The following VPS41 variants were observed in gnomAD, a reference collection of about 807,000 sequenced individuals.
VPS41 encodes the protein VPS41 subunit of HOPS complex, also known as vacuolar protein sorting-associated protein 41 homolog.
VPS41 carries 85 observed loss-of-function variants against 130.9 expected under a neutral mutation model. The ratio of observed to expected loss-of-function variants is 0.65; its 90% CI spans 0.55 to 0.78. VPS41 has a LOEUF of 0.78. Ranked by LOEUF, VPS41 falls within the 30% of genes least tolerant of loss-of-function variation. The pLI, the probability that VPS41 is intolerant of heterozygous loss-of-function variation, is 0.00. For missense variants in VPS41, 874 were observed against 1,018.7 expected (o/e 0.86, Z 1.93); for synonymous variants, 335 against 332.9 (o/e 1.01, Z -0.07).
rs1784208710 is a variant in VPS41 at position 38,774,174 on chromosome 7, G to A, written c.953C>T (p.Ser318Phe). Residue 318 changes from serine to phenylalanine, a missense_variant, in exon 12 of 29, where the codon TCT becomes TTT. Physicochemically the swap from Ser to Phe is radical, Grantham distance 155 (BLOSUM62 -2). Coordinates refer to ENST00000310301, the MANE Select transcript of VPS41 (RefSeq NM_014396.4). ...QPLSETCEEI[S>F]SDALTVRGFQ... The stretch of plus-strand genomic sequence containing the variant: ...GCCTCTGACTGTCAAAGCATCAGAA[G>A]AGATCTCTTCACAAGTCTCAGAAAG... 1.2e-6 allele frequency: 2 copies of A among 1,610,032 alleles called. No individual in the cohort carries two copies. The highest frequency in any genetic ancestry group is 1.7e-6 in the Non-Finnish European group (2 of 1,177,050).
chr7:38,793,697 C>A (rs1008299590), intron 9 of VPS41, among the ~76,000 whole-genome samples: 1 of 152,168 alleles, frequency 6.6e-6, no homozygotes, highest in African/African-American at 2.4e-5. Context: ...GTTGGCAAGG[C>A]TGTACTTCCT....
chr7:38,857,906 A>C (rs1337756103), intron 4 of VPS41, among the ~76,000 whole-genome samples: 1 of 152,174 alleles, frequency 6.6e-6, no homozygotes, highest in Non-Finnish European at 1.5e-5. Context: ...GATGAGAGGA[A>C]AGAGGGATGG....
intron 2 of VPS41, among the ~76,000 whole-genome samples, chr7:38,886,027 C>T (rs910504898): frequency 3.9e-5 from 6 of 151,946 alleles, no homozygotes; most frequent in Admixed American, 2.6e-4. Flanking sequence ...AACGAAGAGT[C>T]GTCACTTCCA....
At chr7:38,864,330 C>T (rs903897965) in intron 3 of VPS41, among the ~76,000 whole-genome samples, 2 of 151,802 alleles carry the variant, frequency 1.3e-5, no homozygotes, top group Non-Finnish European at 2.9e-5. Context: ...CTTCTTTTTT[C>T]TAAATTTCTC....
At chr7:38,784,360 G>A (rs996284413) in intron 10 of VPS41, among the ~76,000 whole-genome samples, 7 of 152,136 alleles carry the variant, frequency 4.6e-5, no homozygotes, top group Non-Finnish European at 7.4e-5. Flanking sequence ...AGTCAGGGCC[G>A]GGTATGGTGG....
intron 10 of VPS41, among the ~76,000 whole-genome samples, chr7:38,778,514 A>G (rs1487746250): frequency 6.6e-6 from 1 of 152,226 alleles, no homozygotes; most frequent in African/African-American, 2.4e-5. Context: ...TTCACATTTT[A>G]GAAGACATAT....
chr7:38,792,451 C>T (rs1784552229), intron 9 of VPS41, among the ~76,000 whole-genome samples: 2 of 152,212 alleles, frequency 1.3e-5, no homozygotes, highest in Non-Finnish European at 1.5e-5. Context: ...GGTAGTTTCA[C>T]CTTCCAGTAT....
intron 25 of VPS41, among the ~76,000 whole-genome samples, chr7:38,734,944 T>G (rs1039266436): frequency 3.9e-5 from 6 of 152,186 alleles, no homozygotes. Flanking sequence ...GAAAAAGCTT[T>G]GCTTTCGGCT....
rs1015660635 is a variant in VPS41, at chr7:38,850,380, T to C, written c.246+12165A>G. On this transcript the variant is annotated intron_variant, in intron 4 of 28. Transcript: ENST00000310301. ...TCATTTGCCCAATTTCATTCTGAGT[T>C]GTTTGGGTTTTCCTTATGGATCTGT... Among the ~76,000 whole-genome samples the C allele has an allele frequency of 2.6e-5, 4 of 152,242 alleles. 1 individual carries two copies. The highest frequency in any genetic ancestry group is 4.4e-5 in the Non-Finnish European group (3 of 68,046).
At chr7:38,733,599 A>T (rs918916755) in intron 25 of VPS41, among the ~76,000 whole-genome samples, 1 of 152,196 alleles carries the variant, frequency 6.6e-6, no homozygotes, top group Non-Finnish European at 1.5e-5. Context: ...TTAACCCACT[A>T]AAAACTTTCT....
At chr7:38,780,139 G>A (rs1008838324) in intron 10 of VPS41, among the ~76,000 whole-genome samples, 2 of 148,322 alleles carry the variant, frequency 1.3e-5, no homozygotes, top group African/African-American at 4.9e-5. Flanking sequence ...GGAAATACAT[G>A]AAAACAGGGA....
In VPS41 at chr7:38,728,802, C is replaced by T. The variant is rs763969378; in HGVS notation, c.2260-11G>A. 4 of 1,612,934 alleles carry T rather than the reference C, an allele frequency of 2.5e-6. No homozygotes were observed. The East Asian group carries it at 6.7e-5, about 27-fold the overall frequency. The stretch of plus-strand genomic sequence containing the variant: ...TTCACGAAGCAGAATCTAATGCATA[C>T]ATTTTAAAAGAAAAGCCATCTTAAG... On this transcript the variant is annotated splice_polypyrimidine_tract_variant and intron_variant, in intron 25 of 28. Coordinates refer to ENST00000310301, the MANE Select transcript of VPS41 (RefSeq NM_014396.4).
intron 1 of VPS41, among the ~76,000 whole-genome samples, chr7:38,901,560 A>G (rs1787146152): frequency 6.6e-6 from 1 of 152,166 alleles, no homozygotes; most frequent in South Asian, 2.1e-4. Flanking sequence ...GGGAACTAAT[A>G]GAAAGAGAAC....
rs1343397904 is a variant in VPS41, at chr7:38,742,078, G to T, written c.2166C>A (p.Asp722Glu). Reference protein sequence around the residue: ...GLLNNIGTHVDPILLIHRIKE... With the variant: ...GLLNNIGTHVEPILLIHRIKE... ...TAATACGGTGAATCAGTAGAATTGG[G>T]TCAACATGTGTGCCAATGTTGTTTA... is the stretch of plus-strand genomic sequence containing the variant. Residue 722 changes from aspartate to glutamate, a missense_variant, in exon 25 of 29, where the codon GAC becomes GAA. Transcript: ENST00000310301. 1.9e-6 allele frequency: 3 copies of T among 1,612,658 alleles called. No individual in the cohort carries two copies. In the South Asian group the frequency reaches 3.3e-5, roughly 18 times the overall value.
intron 25 of VPS41, among the ~76,000 whole-genome samples, chr7:38,735,048 C>T (rs1795736844): frequency 6.6e-6 from 1 of 152,116 alleles, no homozygotes; most frequent in Non-Finnish European, 1.5e-5. Flanking sequence ...CTTATAAACA[C>T]AATTGTATTT....
At chr7:38,750,648 A>T (rs187206523) in intron 22 of VPS41, among the ~76,000 whole-genome samples, 12 of 152,314 alleles carry the variant, frequency 7.9e-5, no homozygotes, top group African/African-American at 2.6e-4. Context: ...CAGGTCTGCA[A>T]CATTCTGCTG....
intron 4 of VPS41, among the ~76,000 whole-genome samples, chr7:38,836,036 C>T (rs181970565): frequency 7.3e-4 from 111 of 151,948 alleles, no homozygotes; most frequent in African/African-American, 2.5e-3. Flanking sequence ...TTATTTTTCA[C>T]TTTCTCATTT....
chr7:38,826,783 A>C (rs998157079), intron 5 of VPS41, among the ~76,000 whole-genome samples: 23 of 152,148 alleles, frequency 1.5e-4, no homozygotes, highest in Non-Finnish European at 2.6e-4. Flanking sequence ...TATGGCATAT[A>C]AAAAGTAGTA....
Position 38,723,018 on chromosome 7 carries a change from A to G in VPS41, c.*3228T>C, listed in dbSNP as rs1795468525. ...ATATTATATGCTATATTCTTATAATAAAGCAAGCTAAAGAAAATAGTAAGA... is the reference window on the plus strand; with the variant it reads ...ATATTATATGCTATATTCTTATAATGAAGCAAGCTAAAGAAAATAGTAAGA... On this transcript the variant is annotated 3_prime_UTR_variant, in exon 29 of 29. Transcript: ENST00000310301. 6.6e-6 allele frequency: 1 copy of G among 152,220 alleles called. No homozygotes were observed. Among genetic ancestry groups the G allele is most frequent in the South Asian group, 2.1e-4 (1 of 4,834 alleles). The allele number at this position is 152,220 out of a possible 1,614,324, so 9.4% of individuals were successfully genotyped here.
Sources: allele counts gnomAD v4.1 joint callset (sites outside exome capture counted in the v4.1 genomes callset), GRCh38; gene constraint gnomAD v4.1.1; transcripts MANE v1.5; gene names NCBI Gene and HGNC (gene_info 2026-07-23, HGNC 2026-07-21).